Variants in PIGL observed in about 807,000 individuals in gnomAD.
The protein encoded by PIGL is phosphatidylinositol glycan anchor biosynthesis class L, also known as N-acetylglucosaminyl-phosphatidylinositol de-N-acetylase.
In PIGL, 22 loss-of-function variants were observed where a neutral mutation model predicts 31.1. The ratio of observed to expected loss-of-function variants is 0.71; its 90% CI spans 0.51 to 1.01. The LOEUF (loss-of-function observed/expected upper bound fraction) is 1.01, where lower values mean the gene tolerates loss of function less well. PIGL is among the 50% of genes least tolerant of loss of function. The pLI is 0.00. For missense variants in PIGL, 302 were observed against 315.9 expected (o/e 0.96, Z 0.33); for synonymous variants, 131 against 117.4 (o/e 1.12, Z -0.75).
intron 2 of PIGL, chr17:16,282,153 G>A (rs2092919128): frequency 4.6e-6 from 2 of 433,954 alleles, no homozygotes; most frequent in African/African-American, 4.0e-5. Context: ...CTGGGAATTA[G>A]CACATATCCC....
chr17:16,220,480 ATT>A (rs745948237), intron 1 of PIGL, among the ~76,000 whole-genome samples: 4,173 of 56,380 alleles, frequency 0.074, 155 homozygotes, highest in East Asian at 0.12. Context: ...TTAAATTGTT[ATT>A]TTTTTTTTTT....
At chr17:16,271,484 G>A (rs564437253) in intron 2 of PIGL, among the ~76,000 whole-genome samples, 53 of 151,944 alleles carry the variant, frequency 3.5e-4, no homozygotes, top group African/African-American at 1.3e-3. Flanking sequence ...TTTAGTTTCA[G>A]ATAAACAATA....
At chr17:16,251,099 CT>C (rs2092769183) in intron 2 of PIGL, among the ~76,000 whole-genome samples, 1 of 152,152 alleles carries the variant, frequency 6.6e-6, no homozygotes, top group African/African-American at 2.4e-5. Flanking sequence ...TTCTGACTTT[CT>C]TCAGGGAAGC....
At chr17:16,296,891 T>C (rs969796754) in intron 2 of PIGL, among the ~76,000 whole-genome samples, 53 of 151,830 alleles carry the variant, frequency 3.5e-4, no homozygotes, top group Non-Finnish European at 7.4e-5. Context: ...TAATTTTTTT[T>C]TTGTATTTTT....
intron 1 of PIGL, among the ~76,000 whole-genome samples, chr17:16,220,702 G>T (rs1235884340): frequency 6.6e-6 from 1 of 151,906 alleles, no homozygotes; most frequent in African/African-American, 2.4e-5. Flanking sequence ...GGTCAGGCTG[G>T]TCTCAAAACT....
chr17:16,271,346 G>A (rs1600806802), intron 2 of PIGL, among the ~76,000 whole-genome samples: 1 of 152,162 alleles, frequency 6.6e-6, no homozygotes, highest in Non-Finnish European at 1.5e-5. Flanking sequence ...TAGGAGCCTT[G>A]TGTTAGATTA....
intron 2 of PIGL, among the ~76,000 whole-genome samples, chr17:16,242,685 G>A (rs1025970703): frequency 7.1e-5 from 8 of 112,556 alleles, no homozygotes; most frequent in African/African-American, 2.1e-4. Flanking sequence ...ACAGAGTCTC[G>A]CTTGTAACAC....
intron 4 of PIGL, among the ~76,000 whole-genome samples, chr17:16,316,341 C>T (rs2093076868): frequency 6.6e-6 from 1 of 152,188 alleles, no homozygotes; most frequent in African/African-American, 2.4e-5. Context: ...AATATTCCCC[C>T]ATCATACTCA....
At chr17:16,262,475 G>A (rs887127892) in intron 2 of PIGL, among the ~76,000 whole-genome samples, 2 of 152,108 alleles carry the variant, frequency 1.3e-5, no homozygotes, top group African/African-American at 4.8e-5. Context: ...TGGTAGGCAA[G>A]AAAAATGATG....
At position 16,246,922 on chromosome 17, in the gene PIGL, C is replaced by CTCA. The variant is rs370429025; in HGVS notation, c.335+12854_335+12856dup. Among the ~76,000 whole-genome samples the CTCA allele has an allele frequency of 5.6e-3, 853 of 151,580 alleles. 10 individuals carry two copies. The highest frequency in any genetic ancestry group is 0.02 in the African/African-American group (833 of 41,340). On this transcript the variant is annotated intron_variant, in intron 2 of 6. Coordinates refer to ENST00000225609, the MANE Select transcript of PIGL (RefSeq NM_004278.4). Reference sequence around the variant, plus strand: ...GCCAGGATGGTCTCGATCTCCTGACCTCATGATCCACCCGCCTCGGCCTCC... The same window carrying CTCA: ...GCCAGGATGGTCTCGATCTCCTGACCTCATCATGATCCACCCGCCTCGGCCTCC...
intron 2 of PIGL, among the ~76,000 whole-genome samples, chr17:16,271,815 C>A (rs1164446986): frequency 2.0e-5 from 3 of 152,194 alleles, no homozygotes; most frequent in African/African-American, 7.2e-5. Context: ...CAGGCGTGAA[C>A]CACTGTGCCC....
intron 3 of PIGL, among the ~76,000 whole-genome samples, chr17:16,308,001 T>C (rs1183435368): frequency 1.3e-5 from 2 of 149,720 alleles, no homozygotes; most frequent in Non-Finnish European, 3.0e-5. Flanking sequence ...AGTGGCTCAC[T>C]ATTTTTAAAA....
intron 2 of PIGL, among the ~76,000 whole-genome samples, chr17:16,235,506 G>A (rs1399521959): frequency 1.4e-5 from 2 of 145,288 alleles, no homozygotes; most frequent in African/African-American, 5.2e-5. Flanking sequence ...GAGTGCAGTG[G>A]TGCCATCTCG....
chr17:16,230,587 C>T (rs1164619243), intron 1 of PIGL, among the ~76,000 whole-genome samples: 1 of 151,772 alleles, frequency 6.6e-6, no homozygotes, highest in African/African-American at 2.4e-5. Flanking sequence ...TAACATACTT[C>T]TCAGTCGTAA....
chr17:16,322,493 T>C (rs1014507709), intron 6 of PIGL, among the ~76,000 whole-genome samples: 1 of 152,244 alleles, frequency 6.6e-6, no homozygotes, highest in African/African-American at 2.4e-5. Flanking sequence ...TTCCTTGAAG[T>C]GTTTCTTTAG....
intron 2 of PIGL, among the ~76,000 whole-genome samples, chr17:16,237,014 T>C (rs2092701912): frequency 6.6e-6 from 1 of 151,780 alleles, no homozygotes; most frequent in South Asian, 2.1e-4. Flanking sequence ...CACACTTCAC[T>C]GTAGCCTTGA....
rs777207831 is a variant in PIGL, at chr17:16,299,984, G to C, written c.426+6G>C. 1 of 1,609,556 alleles carries C rather than the reference G, an allele frequency of 6.2e-7. No individual in the cohort carries two copies. The highest frequency in any genetic ancestry group is 8.5e-7 in the Non-Finnish European group (1 of 1,175,934). ...AAGTGAATGGCATCAATCTGGTAAG[G>C]GGGCAGCTCCCTGAATGGAAAACCT... On this transcript the variant is annotated splice_donor_region_variant and intron_variant, in intron 3 of 6. Transcript: ENST00000225609.
intron 2 of PIGL, among the ~76,000 whole-genome samples, chr17:16,260,978 G>C (rs564865242): frequency 6.6e-6 from 1 of 152,012 alleles, no homozygotes; most frequent in African/African-American, 2.4e-5. Flanking sequence ...AATTAGCTGG[G>C]CATGGTGGCA....
chr17:16,226,705 A>C (rs528374901), intron 1 of PIGL, among the ~76,000 whole-genome samples: 4 of 152,266 alleles, frequency 2.6e-5, no homozygotes, highest in African/African-American at 9.6e-5. Flanking sequence ...AAGCCTACAG[A>C]TAGGATGTAG....
Sources: allele counts gnomAD v4.1 joint callset (sites outside exome capture counted in the v4.1 genomes callset), GRCh38; gene constraint gnomAD v4.1.1; transcripts MANE v1.5; gene names NCBI Gene and HGNC (gene_info 2026-07-23, HGNC 2026-07-21).